Variants in SFXN1 observed in about 807,000 individuals in gnomAD.
SFXN1 encodes the protein sideroflexin-1.
SFXN1 carries 32 observed loss-of-function variants against 39.5 expected under a neutral mutation model. The ratio of observed to expected loss-of-function variants is 0.81; its 90% CI spans 0.61 to 1.09. The LOEUF (loss-of-function observed/expected upper bound fraction) is 1.09, where lower values mean the gene tolerates loss of function less well. Ranked by LOEUF, SFXN1 falls within the 50% of genes least tolerant of loss-of-function variation. The pLI, the probability that SFXN1 is intolerant of heterozygous loss-of-function variation, is 0.00. For synonymous variants in SFXN1, 136 were observed against 146.5 expected (o/e 0.93, Z 0.52); for missense variants, 402 against 407.1 (o/e 0.99, Z 0.11).
At chr5:175,518,796 T>C (rs569011849) in intron 8 of SFXN1, among the ~76,000 whole-genome samples, 11 of 152,182 alleles carry the variant, frequency 7.2e-5, no homozygotes, top group Non-Finnish European at 1.5e-4. Context: ...TCTACAACTG[T>C]AAAACTTCTA....
At chr5:175,512,084 A>G (rs754325232) in intron 5 of SFXN1, 27 bp from the exon 6 acceptor site, 16 of 1,597,922 alleles carry the variant, frequency 1.0e-5, no homozygotes, top group Non-Finnish European at 1.2e-5. Context: ...AAATAAGATA[A>G]AGCTCTTGAA....
Position 175,510,223 on chromosome 5 carries a change from T to C in SFXN1, c.434+16T>C, listed in dbSNP as rs775532559. 1.2e-5 allele frequency: 19 copies of C among 1,594,276 alleles called. No homozygotes were observed. In the East Asian group the frequency reaches 3.8e-4, roughly 32 times the overall value. ...TCACTGTCAAGTAAGGCTACGAGAA[T>C]TGACCACTCTCTGCAGTTCTTCAAC... On this transcript the variant is annotated intron_variant, in intron 4 of 10. Coordinates refer to ENST00000321442, the MANE Select transcript of SFXN1 (RefSeq NM_022754.7).
chr5:175,490,524 G>A (rs1009166926), intron 1 of SFXN1, among the ~76,000 whole-genome samples: 4 of 152,138 alleles, frequency 2.6e-5, no homozygotes, highest in Non-Finnish European at 2.9e-5. Context: ...ATGTACCTCC[G>A]AACCTGTAAA....
chr5:175,522,748 A>G (rs1272265983), intron 10 of SFXN1: 2 of 215,984 alleles, frequency 9.3e-6, no homozygotes, highest in Non-Finnish European at 1.8e-5. Context: ...TCTGTAATAC[A>G]GATATGATAG....
chr5:175,500,896 G>C (rs1161854425), intron 2 of SFXN1, among the ~76,000 whole-genome samples: 1 of 152,128 alleles, frequency 6.6e-6, no homozygotes, highest in Non-Finnish European at 1.5e-5. Flanking sequence ...TCAATGAATA[G>C]TTCTGGAAAA....
chr5:175,501,176 C>T (rs1288427030), intron 2 of SFXN1, among the ~76,000 whole-genome samples: 2 of 148,380 alleles, frequency 1.3e-5, no homozygotes, highest in Non-Finnish European at 3.0e-5. Context: ...TCAAGCTATT[C>T]TCCTGCCTAA....
chr5:175,521,341 A>T (rs1480601273), intron 8 of SFXN1, among the ~76,000 whole-genome samples: 1 of 151,764 alleles, frequency 6.6e-6, no homozygotes, highest in Non-Finnish European at 1.5e-5. Flanking sequence ...AAGAAAGACG[A>T]GGTGTAAAGT....
chr5:175,489,957 T>C (rs1759598375), intron 1 of SFXN1, among the ~76,000 whole-genome samples: 1 of 152,150 alleles, frequency 6.6e-6, no homozygotes, highest in African/African-American at 2.4e-5. Flanking sequence ...ATAGAGATTT[T>C]TCTCAGAAAA....
At chr5:175,494,804 A>T (rs867295627) in intron 2 of SFXN1, among the ~76,000 whole-genome samples, 1 of 152,148 alleles carries the variant, frequency 6.6e-6, no homozygotes, top group Admixed American at 6.5e-5. Flanking sequence ...TCAAACATAA[A>T]CTCTTCATAA....
At chr5:175,524,115 AAAAAAAAAAAATATATATATATATATAT>A (rs1170707392) in intron 10 of SFXN1, 5 of 63,612 alleles carry the variant, frequency 7.9e-5, no homozygotes, top group South Asian at 6.5e-4. Flanking sequence ...AAAAAAAAAA[AAAAAAAAAAAATATATATATATATATAT>A]ATATATATAT....
rs947029417 is a variant in SFXN1 at position 175,527,974 on chromosome 5, C to T, written c.*1240C>T. 1 of 141,188 alleles carries T rather than the reference C, an allele frequency of 7.1e-6. No individual in the cohort carries two copies. The highest frequency in any genetic ancestry group is 1.5e-5 in the Non-Finnish European group (1 of 67,234). 8.7% of individuals were successfully genotyped at this position (141,188 alleles called of 1,614,324 possible). ...TCGCTCTGTCACCCAGGCTGGAGTG[C>T]AGTGGCGTAGTCTCGGCTCACTGCA... On this transcript the variant is annotated 3_prime_UTR_variant, in exon 11 of 11. Transcript: ENST00000321442.
intron 10 of SFXN1, among the ~76,000 whole-genome samples, chr5:175,525,370 G>A (rs956576202): frequency 7.9e-5 from 12 of 152,044 alleles, no homozygotes; most frequent in African/African-American, 2.7e-4. Context: ...AATGCATAAC[G>A]TCTGGCCCAG....
rs376235466 is a variant in SFXN1, at chr5:175,492,226, C to A, written c.123C>A (p.Asn41Lys). ...VTDPRNILLT[N>K]EQLESARKIV... ...ACCCCAGGAACATTCTGTTAACCAA[C>A]GAACAACTCGAGAGTGCGAGAAAAA... Residue 41 changes from asparagine to lysine, a missense_variant, in exon 2 of 11, where the codon AAC (asparagine) becomes AAA (lysine). Physicochemically the swap from Asn to Lys is moderately conservative, Grantham distance 94. Transcript: ENST00000321442. The A allele has an allele frequency of 3.7e-6, 6 of 1,613,358 alleles. No individual in the cohort carries two copies. In the Admixed American group the frequency reaches 6.7e-5, roughly 18 times the overall value.
intron 7 of SFXN1, among the ~76,000 whole-genome samples, chr5:175,516,244 C>T (rs776634317): frequency 2.6e-5 from 4 of 151,884 alleles, no homozygotes; most frequent in Non-Finnish European, 5.9e-5. Flanking sequence ...TTCTGCCTGA[C>T]TCCAAGGCAG....
At chr5:175,508,873 G>A (rs780875178) in intron 2 of SFXN1, among the ~76,000 whole-genome samples, 159 bp from the exon 3 acceptor site, 15 of 148,318 alleles carry the variant, frequency 1.0e-4, no homozygotes, top group Non-Finnish European at 2.2e-4. Context: ...TTGACCTTGT[G>A]ATCCACCTGC....
rs2662170 is a variant in SFXN1, at chr5:175,510,190, C to T, written c.417C>T (p.Asp139=). The change falls in exon 4 of 11, where the codon GAC becomes GAT. Residue 139 remains aspartate, a synonymous_variant. Transcript: ENST00000321442. The part of the protein sequence containing the change: ...AVVNYTNRSG[D]APLTVNELGT... ...TCAATTACACCAACAGAAGTGGAGA[C>T]GCACCCCTCACTGTCAAGTAAGGCT... 0.16 allele frequency: 262,750 copies of T among 1,610,862 alleles called. 25,864 individuals are homozygous for T. Among genetic ancestry groups the T allele is most frequent in the African/African-American group, 0.39 (28,821 of 74,842 alleles).
chr5:175,510,061 C>G, intron 3 of SFXN1, 48 bp from the exon 4 acceptor site: 1 of 1,512,368 alleles, frequency 6.6e-7, no homozygotes, highest in Non-Finnish European at 9.1e-7. Context: ...TTCCATGCCG[C>G]GGCTGGGCCC....
chr5:175,478,701 G>C (rs993581486), intron 1 of SFXN1, 62 bp downstream of exon 1: 1 of 152,374 alleles, frequency 6.6e-6, no homozygotes, highest in African/African-American at 2.4e-5. Context: ...GCCCGGCGGA[G>C]GCGCGCAGGC....
chr5:175,491,615 G>A (rs1759657954), intron 1 of SFXN1: 2 of 152,350 alleles, frequency 1.3e-5, no homozygotes, highest in South Asian at 4.1e-4. Context: ...CTCCTGAGTA[G>A]CTGCAACTAT....
Sources: gnomAD v4.1 joint callset for allele counts (sites outside exome capture counted in the v4.1 genomes callset) on GRCh38, gnomAD v4.1.1 for gene constraint, MANE v1.5 for transcripts, NCBI Gene and HGNC (gene_info 2026-07-23, HGNC 2026-07-21) for gene names.